SAMMSON: variants seen among roughly 807,000 people sequenced by gnomAD.
SAMMSON encodes survival associated mitochondrial melanoma specific oncogenic non-coding RNA.
At chr3:70,357,210 T>C (rs1200358867) in intron 8 of SAMMSON, among the ~76,000 whole-genome samples, 1 of 152,098 alleles carries the variant, frequency 6.6e-6, no homozygotes, top group East Asian at 1.9e-4. Context: ...ATAGCGAGAA[T>C]CTCTGTTTAA....
chr3:70,281,904 T>C (rs1022460223), intron 6 of SAMMSON, among the ~76,000 whole-genome samples: 1 of 152,176 alleles, frequency 6.6e-6, no homozygotes, highest in African/African-American at 2.4e-5. Flanking sequence ...AATCTTCAGT[T>C]TTAAAAAGCA....
intron 4 of SAMMSON, chr3:70,249,075 C>G (rs78265890): frequency 1.6e-3 from 243 of 152,282 alleles, no homozygotes; most frequent in African/African-American, 5.4e-3. Flanking sequence ...TCAAGTCCTT[C>G]TAACCACAAA....
chr3:70,369,521 T>C (rs1269802584), intron 9 of SAMMSON, among the ~76,000 whole-genome samples: 2 of 98,406 alleles, frequency 2.0e-5, no homozygotes, highest in Non-Finnish European at 4.3e-5. Context: ...TTTTATATTC[T>C]TTTTTTTTTT....
intron 6 of SAMMSON, among the ~76,000 whole-genome samples, chr3:70,284,038 T>G (rs1575615089): frequency 1.3e-5 from 2 of 152,148 alleles, no homozygotes; most frequent in Non-Finnish European, 2.9e-5. Flanking sequence ...TATTGGCTAT[T>G]GGTTTTTTAA....
At chr3:70,258,552 A>T (rs145013227) in intron 6 of SAMMSON, among the ~76,000 whole-genome samples, 20 of 152,258 alleles carry the variant, frequency 1.3e-4, no homozygotes, top group Admixed American at 6.5e-4. Context: ...TTAAGTTAGT[A>T]TGATCTGAAT....
chr3:70,131,747 G>GT (rs1487438974), intron 4 of SAMMSON, among the ~76,000 whole-genome samples: 1 of 151,890 alleles, frequency 6.6e-6, no homozygotes, highest in East Asian at 1.9e-4. Flanking sequence ...CACCCAGCTA[G>GT]TTTTTTTGAT....
Position 70,118,245 on chromosome 3 carries a change from A to G in SAMMSON, n.507+46680A>G, listed in dbSNP as rs377369311. On this transcript the variant is annotated intron_variant and non_coding_transcript_variant, in intron 4 of 9. Coordinates refer to ENST00000642114, the Ensembl canonical transcript of SAMMSON. ...CCAGATAATCTTTTTCTTAATATGC[A>G]CGGACAAATACACTTGGTTGCCAAT... is the stretch of plus-strand genomic sequence containing the variant. 1.6e-4 allele frequency among the ~76,000 whole-genome samples: 24 copies of G among 152,258 alleles called. No homozygotes were observed. The East Asian group carries it at 3.9e-3, about 25-fold the overall frequency.
chr3:70,383,538 G>A (rs1340548876), intron 9 of SAMMSON, among the ~76,000 whole-genome samples: 2 of 151,792 alleles, frequency 1.3e-5, no homozygotes, highest in South Asian at 2.1e-4. Context: ...TTTAAGTCCC[G>A]GTGTCAGTGC....
chr3:70,080,546 GTGCA>G (rs2067264223), intron 4 of SAMMSON, among the ~76,000 whole-genome samples: 1 of 152,048 alleles, frequency 6.6e-6, no homozygotes, highest in Non-Finnish European at 1.5e-5. Flanking sequence ...CCTACCTTCA[GTGCA>G]TGCTCTGTTT....
chr3:70,002,368 T>G (rs945261226), intron 1 of SAMMSON, among the ~76,000 whole-genome samples: 4 of 152,192 alleles, frequency 2.6e-5, no homozygotes, highest in Non-Finnish European at 5.9e-5. Context: ...TACAGCTTAT[T>G]TGTAATAACT....
Position 70,371,675 on chromosome 3 carries a change from T to A in SAMMSON, n.913+13351T>A, listed in dbSNP as rs151021531. Reference sequence around the variant, plus strand: ...GTAGAAATGCTATTGATTTTTTTCATATTTATTTGTGTCCTGCAACCTTAA... The same window carrying A: ...GTAGAAATGCTATTGATTTTTTTCAAATTTATTTGTGTCCTGCAACCTTAA... On this transcript the variant is annotated intron_variant and non_coding_transcript_variant, in intron 9 of 9. Coordinates refer to ENST00000642114, the Ensembl canonical transcript of SAMMSON. Among the ~76,000 whole-genome samples the A allele has an allele frequency of 5.3e-5, 8 of 152,262 alleles. No homozygotes were observed. The East Asian group carries it at 1.5e-3, about 29-fold the overall frequency.
intron 4 of SAMMSON, among the ~76,000 whole-genome samples, chr3:70,110,354 C>T (rs1349888143): frequency 6.6e-6 from 1 of 152,136 alleles, no homozygotes; most frequent in Non-Finnish European, 1.5e-5. Context: ...TTTGTATCCC[C>T]AGGGTTAATG....
At chr3:70,104,279 T>G (rs954166229) in intron 4 of SAMMSON, among the ~76,000 whole-genome samples, 2 of 151,774 alleles carry the variant, frequency 1.3e-5, no homozygotes, top group African/African-American at 4.9e-5. Flanking sequence ...TTTTTTTTCC[T>G]ACGCTGCGAT....
Position 70,120,038 on chromosome 3 carries a change from A to G in SAMMSON, n.507+48473A>G, listed in dbSNP as rs370250416. On this transcript the variant is annotated intron_variant and non_coding_transcript_variant, in intron 4 of 9. Coordinates refer to ENST00000642114, the Ensembl canonical transcript of SAMMSON. Reference sequence around the variant, plus strand: ...CCCAGAACTGTAGGATGGGCTTGACAGTTCTTCAATAAAGGGCTGTGTGGT... The same window carrying G: ...CCCAGAACTGTAGGATGGGCTTGACGGTTCTTCAATAAAGGGCTGTGTGGT... 6 of 152,326 alleles carry G rather than the reference A, an allele frequency of 3.9e-5. No individual in the cohort carries two copies. In the East Asian group the frequency reaches 9.6e-4, roughly 24 times the overall value. 9.4% of individuals were successfully genotyped at this position (152,326 alleles called of 1,614,324 possible).
intron 9 of SAMMSON, among the ~76,000 whole-genome samples, chr3:70,380,978 A>G (rs944134338): frequency 6.6e-6 from 1 of 152,086 alleles, no homozygotes; most frequent in Non-Finnish European, 1.5e-5. Context: ...AGTCTTTGCT[A>G]TTGTGAATTG....
intron 9 of SAMMSON, among the ~76,000 whole-genome samples, chr3:70,362,713 C>A (rs1702883002): frequency 6.6e-6 from 1 of 151,404 alleles, no homozygotes; most frequent in Non-Finnish European, 1.5e-5. Context: ...CCCTGAATTG[C>A]TTCTTACCTA....
chr3:70,016,820 C>T (rs1310624783), intron 3 of SAMMSON, among the ~76,000 whole-genome samples: 1 of 152,120 alleles, frequency 6.6e-6, no homozygotes, highest in African/African-American at 2.4e-5. Context: ...GCCAGTTTTC[C>T]CAGCACCATT....
chr3:70,177,430 A>T (rs184196410), intron 4 of SAMMSON, among the ~76,000 whole-genome samples: 1 of 152,354 alleles, frequency 6.6e-6, no homozygotes, highest in Admixed American at 6.5e-5. Flanking sequence ...TCAAGGTCAT[A>T]GTCAAATGAA....
At chr3:70,105,527 G>T (rs1333293191) in intron 4 of SAMMSON, among the ~76,000 whole-genome samples, 1 of 152,188 alleles carries the variant, frequency 6.6e-6, no homozygotes, top group Non-Finnish European at 1.5e-5. Context: ...GGCATGTCGA[G>T]ATCTTTCCAG....
Sources: allele counts gnomAD v4.1 joint callset (sites outside exome capture counted in the v4.1 genomes callset), GRCh38; gene constraint gnomAD v4.1.1; transcripts MANE v1.5; gene names NCBI Gene and HGNC (gene_info 2026-07-23, HGNC 2026-07-21).